MICAL2: variants seen among roughly 807,000 people sequenced by gnomAD.
MICAL2 encodes the protein [F-actin]-monooxygenase MICAL2.
Under a neutral mutation model 127.3 loss-of-function variants are expected in MICAL2, and 77 were observed. That is an observed-to-expected ratio of 0.60 (90% CI 0.50 to 0.73). The LOEUF (loss-of-function observed/expected upper bound fraction) is 0.73, where lower values mean the gene tolerates loss of function less well. MICAL2 is among the 30% of genes least tolerant of loss of function. The probability of loss-of-function intolerance (pLI) is 0.00; values close to 1 mark genes in which losing one functional copy is unlikely to be tolerated. For missense variants in MICAL2, 1,351 were observed against 1,434.4 expected, an observed-to-expected ratio of 0.94 and a Z score of 0.94; for synonymous variants, 570 against 551.1, an observed-to-expected ratio of 1.03 and a Z score of -0.48.
At chr11:12,312,805 T>G (rs1015010047) in intron 29 of MICAL2, among the ~76,000 whole-genome samples, 10 of 152,208 alleles carry the variant, frequency 6.6e-5, no homozygotes, top group African/African-American at 2.4e-4. Flanking sequence ...AGATCTTTCT[T>G]GGCCTCTCTG....
At chr11:12,178,674 A>G (rs1353065129) in intron 3 of MICAL2, among the ~76,000 whole-genome samples, 1 of 152,128 alleles carries the variant, frequency 6.6e-6, no homozygotes, top group East Asian at 1.9e-4. Context: ...GGTCTCCTTA[A>G]GAGAAACTAG....
downstream of MICAL2, among the ~76,000 whole-genome samples, chr11:12,267,276 G>C (rs957541591): frequency 1.3e-5 from 2 of 152,092 alleles, no homozygotes; most frequent in Non-Finnish European, 2.9e-5. Context: ...ATGTCTACTG[G>C]GCATGTCCAG....
At chr11:12,221,400 G>A (rs75847499) in intron 9 of MICAL2, among the ~76,000 whole-genome samples, 10 of 152,256 alleles carry the variant, frequency 6.6e-5, no homozygotes, top group African/African-American at 1.9e-4. Flanking sequence ...AATTCGTCTC[G>A]CCTTTTCTGA....
chr11:12,295,453 T>C (rs1408519702), downstream of MICAL2, among the ~76,000 whole-genome samples: 1 of 100,874 alleles, frequency 9.9e-6, no homozygotes, highest in African/African-American at 2.8e-5. Flanking sequence ...TTTTTTTTTT[T>C]TTTTCTTTTT....
At chr11:12,326,069 G>C (rs1045626784) in intron 31 of MICAL2, among the ~76,000 whole-genome samples, 4 of 152,338 alleles carry the variant, frequency 2.6e-5, no homozygotes, top group Non-Finnish European at 5.9e-5. Context: ...CCCGGTGGCT[G>C]TGCAGGCCCC....
intron 1 of MICAL2, among the ~76,000 whole-genome samples, chr11:12,119,799 G>A (rs1184919571): frequency 6.6e-6 from 1 of 152,114 alleles, no homozygotes; most frequent in African/African-American, 2.4e-5. Flanking sequence ...ATGTCAGGTT[G>A]GATGGGCCTC....
At chr11:12,336,666 T>C (rs548982075) in intron 32 of MICAL2, among the ~76,000 whole-genome samples, 95 of 152,048 alleles carry the variant, frequency 6.2e-4, no homozygotes, top group African/African-American at 2.1e-3. Context: ...GCATGAAGGG[T>C]TGTTGAATTT....
At chr11:12,297,123 T>G (rs1863994709), downstream of MICAL2, among the ~76,000 whole-genome samples, 1 of 152,176 alleles carries the variant, frequency 6.6e-6, no homozygotes, top group Admixed American at 6.5e-5. Flanking sequence ...TGATAGATAT[T>G]GTCAACTTGT....
rs1010055815 is a variant in MICAL2, at chr11:12,167,257, C to T, written c.264+4838C>T. ...TTGTCACCAGCAGGAATCAGGCCAG[C>T]GTATGTAATGAAAACTCTTGCGTTA... On this transcript the variant is annotated intron_variant, in intron 3 of 27. Transcript: ENST00000683283. Among the ~76,000 whole-genome samples, 3 of 149,780 alleles carry T rather than the reference C, an allele frequency of 2.0e-5. No homozygotes were observed. The Admixed American group carries it at 2.0e-4, about 10-fold the overall frequency.
chr11:12,216,378 G>A, intron 8 of MICAL2, 59 bp downstream of exon 8: 2 of 1,320,894 alleles, frequency 1.5e-6, no homozygotes, highest in South Asian at 1.2e-5. Flanking sequence ...GACATCAGCA[G>A]GTGTGAAGGC....
upstream of MICAL2, among the ~76,000 whole-genome samples, chr11:12,273,027 G>A (rs1232957814): frequency 6.6e-6 from 1 of 152,206 alleles, no homozygotes; most frequent in Non-Finnish European, 1.5e-5. Context: ...CGCAACTCTA[G>A]TATAGGGAGG....
At chr11:12,222,078 G>A (rs1230872755) in intron 10 of MICAL2, among the ~76,000 whole-genome samples, 1 of 152,190 alleles carries the variant, frequency 6.6e-6, no homozygotes, top group Non-Finnish European at 1.5e-5. Context: ...GTTTATTTAA[G>A]GGAATCTTCC....
intron 29 of MICAL2, among the ~76,000 whole-genome samples, chr11:12,304,498 G>C (rs1169640873): frequency 6.6e-6 from 1 of 152,152 alleles, no homozygotes; most frequent in Non-Finnish European, 1.5e-5. Context: ...AGCCGGGCGT[G>C]GTGGCGCATG....
chr11:12,302,781 G>A lies in MICAL2; in HGVS notation c.5212+7924G>A, dbSNP rs1439490956. Among the ~76,000 whole-genome samples the A allele has an allele frequency of 2.0e-5, 3 of 152,024 alleles. No individual in the cohort carries two copies. The South Asian group carries it at 6.2e-4, about 32-fold the overall frequency. ...GACTTCAAGCGATCTTCCCACTTCA[G>A]CCTCCCAAGTTAGCAGGGATTACAG... On this transcript the variant is annotated intron_variant, in intron 29 of 34. Coordinates refer to the MICAL2 transcript ENST00000646065.
rs78053002 is a variant in MICAL2 at position 12,209,588 on chromosome 11, C to A, written c.681C>A (p.Asn227Lys). ...DVIIGADGRR[N>K]TLEGFRRKEF... ...TCATTGGTGCCGATGGCCGCAGGAA[C>A]ACCCTGGAAGGTGAAGACTCTTCTT... The change falls in exon 6 of 28, where the codon AAC (asparagine) becomes AAA (lysine). Residue 227 changes from asparagine to lysine, a missense_variant. Asn to Lys is a moderately conservative substitution (Grantham distance 94). Coordinates refer to ENST00000683283, the MANE Select transcript of MICAL2 (RefSeq NM_001282663.2). The A allele has an allele frequency of 6.2e-7, 1 of 1,613,410 alleles. No individual in the cohort carries two copies. Among genetic ancestry groups the A allele is most frequent in the Non-Finnish European group, 8.5e-7 (1 of 1,179,370 alleles).
At position 12,239,600 on chromosome 11, in the gene MICAL2, A is replaced by T. The variant is rs1859584327; in HGVS notation, c.2214+15A>T. The T allele has an allele frequency of 6.2e-7, 1 of 1,612,462 alleles. No individual in the cohort carries two copies. The highest frequency in any genetic ancestry group is 1.7e-5 in the Admixed American group (1 of 59,714). On this transcript the variant is annotated intron_variant, in intron 17 of 27. Transcript: ENST00000683283. Reference sequence around the variant, plus strand: ...TCATGAAGCAGGTGAGTCATGTCAAATACTCACTGGACCTAACTTCCTGGT... The same window carrying T: ...TCATGAAGCAGGTGAGTCATGTCAATTACTCACTGGACCTAACTTCCTGGT...
rs750534650 is a variant in MICAL2, at chr11:12,324,025, G to A, written c.5376G>A (p.Lys1792=). The change falls in exon 31 of 35, where the codon AAG becomes AAA. Residue 1792 remains lysine (K), a synonymous_variant. Coordinates refer to the MICAL2 transcript ENST00000646065. ...GAAAGAAGCTAGAAAAAGCAATGAAGCAGTTGGTTAAGCAAGAAGAATTGA... is the reference window on the plus strand; with the variant it reads ...GAAAGAAGCTAGAAAAAGCAATGAAACAGTTGGTTAAGCAAGAAGAATTGA... 57 of 1,612,400 alleles carry A rather than the reference G, an allele frequency of 3.5e-5. No individual in the cohort carries two copies. The East Asian group carries it at 1.2e-3, about 33-fold the overall frequency.
chr11:12,257,640 G>A (rs1049231102), intron 24 of MICAL2, among the ~76,000 whole-genome samples: 13 of 152,004 alleles, frequency 8.6e-5, no homozygotes, highest in East Asian at 3.9e-4. Context: ...TAAACTCTTC[G>A]TCCCCCAGTT....
intron 2 of MICAL2, 92 bp from the exon 3 acceptor site, chr11:12,161,987 C>A: frequency 1.3e-6 from 1 of 748,724 alleles, no homozygotes; most frequent in Non-Finnish European, 2.1e-6. Flanking sequence ...ATTTGAATGT[C>A]TTAAAGAAAT....
Sources: allele counts gnomAD v4.1 joint callset (sites outside exome capture counted in the v4.1 genomes callset), GRCh38; gene constraint gnomAD v4.1.1; transcripts MANE v1.5; gene names NCBI Gene and HGNC (gene_info 2026-07-23, HGNC 2026-07-21).